Variants in TBC1D32 observed in about 807,000 individuals in gnomAD.
TBC1D32 encodes the protein TBC1 domain family member 32, also known as protein broad-minded.
A neutral mutation model predicts 170.3 loss-of-function variants in TBC1D32; 151 were observed. That is an observed-to-expected ratio of 0.89 (90% CI 0.78 to 1.01). The LOEUF is 1.01. TBC1D32 is among the 50% of genes least tolerant of loss of function. The probability of loss-of-function intolerance (pLI) is 0.00; values close to 1 mark genes in which losing one functional copy is unlikely to be tolerated. For synonymous variants in TBC1D32, 498 were observed against 488.0 expected (o/e 1.02, Z -0.27); for missense variants, 1,464 against 1,457.1 (o/e 1.00, Z -0.08).
intron 20 of TBC1D32, among the ~76,000 whole-genome samples, chr6:121,233,605 G>A (rs1795995997): frequency 6.6e-6 from 1 of 151,988 alleles, no homozygotes; most frequent in Non-Finnish European, 1.5e-5. Context: ...AGTCCTTATG[G>A]GTTAGGTGAG....
chr6:121,201,151 T>C (rs73524575), intron 22 of TBC1D32, among the ~76,000 whole-genome samples: 6,118 of 151,542 alleles, frequency 0.04, 605 homozygotes, highest in African/African-American at 0.12. Flanking sequence ...TCACTCATCA[T>C]TGCATTCCCC....
rs141127716 is a variant in TBC1D32 at position 121,251,477 on chromosome 6, T to C, written c.2018+3851A>G. On this transcript the variant is annotated intron_variant, in intron 17 of 31. Coordinates refer to ENST00000398212, the MANE Select transcript of TBC1D32 (RefSeq NM_152730.6). Reference sequence around the variant, plus strand: ...GGGAAAGGATTCCCTACTTAATAAATGGTGCTGGGAAAACTAGTAGCAATA... The same window carrying C: ...GGGAAAGGATTCCCTACTTAATAAACGGTGCTGGGAAAACTAGTAGCAATA... 3.7e-3 allele frequency among the ~76,000 whole-genome samples: 556 copies of C among 152,228 alleles called. 3 individuals carry two copies. Among genetic ancestry groups the C allele is most frequent in the African/African-American group, 0.012 (505 of 41,538 alleles).
chr6:121,255,419 T>G lies in TBC1D32; in HGVS notation c.1936-9A>C. On this transcript the variant is annotated splice_polypyrimidine_tract_variant and intron_variant, in intron 16 of 31. Transcript: ENST00000398212. ...TCTGATAGCAAACTTGTCTAAAAAA[T>G]AGTAGAATAATTTATATTGCTTACT... 1.4e-6 allele frequency: 2 copies of G among 1,426,454 alleles called. No individual in the cohort carries two copies. Among genetic ancestry groups the G allele is most frequent in the Non-Finnish European group, 1.9e-6 (2 of 1,058,628 alleles). 88.4% of individuals were successfully genotyped at this position (1,426,454 alleles called of 1,614,324 possible).
chr6:121,243,395 C>A (rs78491154), intron 17 of TBC1D32, among the ~76,000 whole-genome samples: 4,153 of 152,130 alleles, frequency 0.027, 152 homozygotes, highest in African/African-American at 0.087. Flanking sequence ...TCACCAACCA[C>A]CATCTGGCCA....
chr6:121,107,041 C>CA (rs900593228), intron 29 of TBC1D32, among the ~76,000 whole-genome samples: 15 of 151,554 alleles, frequency 9.9e-5, no homozygotes, highest in African/African-American at 3.1e-4. Context: ...ATTATATCAA[C>CA]AAAAAAAGTT....
intron 1 of TBC1D32, 30 bp from the exon 2 acceptor site, chr6:121,321,824 G>A: frequency 6.3e-7 from 1 of 1,576,982 alleles, no homozygotes; most frequent in South Asian, 1.2e-5. Flanking sequence ...AATAAATGCG[G>A]TAAATATCAT....
At chr6:121,248,033 T>C (rs1172177347) in intron 17 of TBC1D32, among the ~76,000 whole-genome samples, 1 of 151,958 alleles carries the variant, frequency 6.6e-6, no homozygotes, top group Admixed American at 6.6e-5. Context: ...TTCATCAGCA[T>C]ATGGAACATT....
chr6:121,203,646 G>A (rs1006156850), intron 22 of TBC1D32, among the ~76,000 whole-genome samples: 13 of 151,072 alleles, frequency 8.6e-5, no homozygotes, highest in African/African-American at 3.0e-4. Context: ...ACTCTGTAAG[G>A]AAAATAATGT....
chr6:121,189,529 T>C (rs1405114153), intron 22 of TBC1D32, among the ~76,000 whole-genome samples: 1 of 151,530 alleles, frequency 6.6e-6, no homozygotes, highest in Admixed American at 6.6e-5. Context: ...CTATATATTA[T>C]AAAATGTAAA....
chr6:121,318,954 G>T (rs985081551), intron 2 of TBC1D32, among the ~76,000 whole-genome samples: 2 of 150,740 alleles, frequency 1.3e-5, no homozygotes, highest in African/African-American at 4.9e-5. Flanking sequence ...AATCAAACCT[G>T]CTGGGGAATC....
chr6:121,143,077 T>C (rs1782999390), intron 24 of TBC1D32, among the ~76,000 whole-genome samples: 1 of 152,176 alleles, frequency 6.6e-6, no homozygotes, highest in African/African-American at 2.4e-5. Context: ...GCTATAACAT[T>C]AGTACCATAA....
intron 8 of TBC1D32, 44 bp from the exon 9 acceptor site, chr6:121,303,805 T>G (rs1319909581): frequency 1.5e-6 from 2 of 1,336,084 alleles, no homozygotes; most frequent in African/African-American, 2.9e-5. Flanking sequence ...CATATAGTTC[T>G]GGTGGTATAC....
At chr6:121,126,836 G>T (rs1780910936) in intron 25 of TBC1D32, among the ~76,000 whole-genome samples, 1 of 151,982 alleles carries the variant, frequency 6.6e-6, no homozygotes, top group Non-Finnish European at 1.5e-5. Context: ...GGGTTCTAAG[G>T]CTAGGATCAA....
In TBC1D32 at chr6:121,331,194, G is replaced by GTTT. The variant is rs535786090; in HGVS notation, c.155+3079_155+3081dup. ...ACAATTTCCCCTATAAGTCTTTTTG[G>GTTT]TTTTTTGTTGTTGTTGTTGTTGTTG... On this transcript the variant is annotated intron_variant, in intron 1 of 31. Coordinates refer to ENST00000398212, the MANE Select transcript of TBC1D32 (RefSeq NM_152730.6). Among the ~76,000 whole-genome samples the GTTT allele has an allele frequency of 3.4e-3, 505 of 147,886 alleles. 7 individuals are homozygous for GTTT. The highest frequency in any genetic ancestry group is 0.013 in the African/African-American group (491 of 37,774).
intron 20 of TBC1D32, among the ~76,000 whole-genome samples, chr6:121,227,097 A>G (rs1795165293): frequency 6.6e-6 from 1 of 152,218 alleles, no homozygotes; most frequent in Non-Finnish European, 1.5e-5. Flanking sequence ...TGTTTTAAGA[A>G]AGGCTATGAA....
intron 20 of TBC1D32, among the ~76,000 whole-genome samples, chr6:121,227,931 T>C (rs1340803624): frequency 6.6e-6 from 1 of 152,162 alleles, no homozygotes; most frequent in East Asian, 1.9e-4. Flanking sequence ...TTTTTCTCTG[T>C]GTAAGGAGGT....
In TBC1D32 at chr6:121,292,203, G is replaced by C; in HGVS notation, c.1232-10C>G. ...GTTTTCTGCTTGTTTCCTTAAAAGA[G>C]AAGCAAACACGAATATTTATTTAGT... On this transcript the variant is annotated splice_polypyrimidine_tract_variant and intron_variant, in intron 11 of 31. Coordinates refer to ENST00000398212, the MANE Select transcript of TBC1D32 (RefSeq NM_152730.6). 1.3e-6 allele frequency: 2 copies of C among 1,576,340 alleles called. No homozygotes were observed. The highest frequency in any genetic ancestry group is 4.5e-5 in the East Asian group (2 of 44,174).
chr6:121,147,180 C>G (rs1394144020), intron 24 of TBC1D32, among the ~76,000 whole-genome samples: 2 of 152,168 alleles, frequency 1.3e-5, no homozygotes, highest in Non-Finnish European at 2.9e-5. Context: ...TGTAGTATTC[C>G]ATGGTGAATA....
Position 121,334,378 on chromosome 6 carries a change from C to T in TBC1D32, c.53G>A (p.Arg18Gln). ...TTTCTCCTTCACGCTCTGGAACAAC[C>T]GCCTCAGCATCGCCTGCAGCATCGC... ...DQAMLQAMLRRLFQSVKEKIT... is the reference protein window; with the variant it reads ...DQAMLQAMLRQLFQSVKEKIT... The change falls in exon 1 of 32, where the codon CGG (arginine) becomes CAG (glutamine). Residue 18 changes from arginine (R) to glutamine (Q), a missense_variant. Transcript: ENST00000398212. The T allele has an allele frequency of 1.2e-6, 2 of 1,614,210 alleles. No homozygotes were observed. Among genetic ancestry groups the T allele is most frequent in the Non-Finnish European group, 1.7e-6 (2 of 1,180,036 alleles).
Sources: gnomAD v4.1 joint callset for allele counts (sites outside exome capture counted in the v4.1 genomes callset) on GRCh38, gnomAD v4.1.1 for gene constraint, MANE v1.5 for transcripts, NCBI Gene and HGNC (gene_info 2026-07-23, HGNC 2026-07-21) for gene names.